Variants in HAAO observed in about 807,000 individuals in gnomAD.
HAAO encodes the protein 3-hydroxyanthranilate oxygenase.
Under a neutral mutation model 46.2 loss-of-function variants are expected in HAAO, and 49 were observed. The observed-to-expected ratio is 1.06, with a 90% CI of 0.84 to 1.34. HAAO has a LOEUF of 1.34. HAAO is among the 40% of genes most tolerant of loss of function. The pLI, the probability that HAAO is intolerant of heterozygous loss-of-function variation, is 0.00. For missense variants in HAAO, 408 were observed against 364.5 expected, an observed-to-expected ratio of 1.12 and a Z score of -0.97; for synonymous variants, 157 against 145.2, an observed-to-expected ratio of 1.08 and a Z score of -0.58.
chr2:42,784,580 G>A (rs903813537), intron 2 of HAAO, among the ~76,000 whole-genome samples: 4 of 151,432 alleles, frequency 2.6e-5, no homozygotes, highest in South Asian at 2.1e-4. Context: ...TCCATCCTAA[G>A]TCCCTAATTT....
At position 42,769,796 on chromosome 2, in the gene HAAO, G is replaced by C. The variant is rs774509819; in HGVS notation, c.547C>G (p.Leu183Val). 1 of 1,614,008 alleles carries C rather than the reference G, an allele frequency of 6.2e-7. No individual in the cohort carries two copies. Among genetic ancestry groups the C allele is most frequent in the Non-Finnish European group, 8.5e-7 (1 of 1,179,972 alleles). The change falls in exon 7 of 10, where the codon CTG becomes GTG. Residue 183 changes from leucine (L) to valine (V), a missense_variant. Physicochemically the swap from Leu to Val is conservative, Grantham distance 32. Transcript: ENST00000294973. ...TGGTGGCTGTCCAGCCAGGCATCCA[G>C]GGACATGGGCTCCATGATGGATCGT... ...STRSIMEPMS[L>V]DAWLDSHHRE...
intron 4 of HAAO, among the ~76,000 whole-genome samples, chr2:42,771,443 G>GAAA (rs1671107921): frequency 9.6e-6 from 1 of 104,448 alleles, no homozygotes; most frequent in Non-Finnish European, 1.9e-5. Flanking sequence ...AAATAAATAA[G>GAAA]TAAAAAAAAA....
chr2:42,783,928 G>T, intron 2 of HAAO, 61 bp from the exon 3 acceptor site: 2 of 1,562,322 alleles, frequency 1.3e-6, no homozygotes, highest in Middle Eastern at 1.7e-4. Context: ...CTTGGCCACT[G>T]CCCAGGCCCT....
chr2:42,777,828 CT>C (rs1671702855), intron 4 of HAAO, among the ~76,000 whole-genome samples: 1 of 151,702 alleles, frequency 6.6e-6, no homozygotes. Context: ...AAGGTGTGTC[CT>C]TTTAAAAAAA....
At chr2:42,776,480 C>T (rs565436416) in intron 4 of HAAO, among the ~76,000 whole-genome samples, 8 of 151,956 alleles carry the variant, frequency 5.3e-5, no homozygotes, top group Non-Finnish European at 7.4e-5. Flanking sequence ...TCAGATGATC[C>T]GCCTGCCTCT....
chr2:42,767,922 C>T lies in HAAO; in HGVS notation c.637G>A (p.Ala213Thr), dbSNP rs952504991. 6 of 1,613,664 alleles carry T rather than the reference C, an allele frequency of 3.7e-6. No individual in the cohort carries two copies. Among genetic ancestry groups the T allele is most frequent in the South Asian group, 1.1e-5 (1 of 91,084 alleles). ...CCTTCGCTGCTGCCTTGCCCATAGGCGATCACCTGGTGGGAGGTGAAACAG... is the reference window on the plus strand; with the variant it reads ...CCTTCGCTGCTGCCTTGCCCATAGGTGATCACCTGGTGGGAGGTGAAACAG... ...FGDTYETQVI[A>T]YGQGSSEGLR... Residue 213 changes from alanine to threonine, a missense_variant, in exon 8 of 10, where the codon GCC (alanine) becomes ACC (threonine). Transcript: ENST00000294973.
intron 8 of HAAO, 74 bp downstream of exon 8, chr2:42,767,786 G>C: frequency 6.4e-7 from 1 of 1,562,386 alleles, no homozygotes; most frequent in Non-Finnish European, 8.8e-7. Context: ...CCCCGTGTGG[G>C]AGCCCAGGGC....
chr2:42,790,182 C>G (rs2104672982), intron 1 of HAAO, among the ~76,000 whole-genome samples: 1 of 152,250 alleles, frequency 6.6e-6, no homozygotes, highest in Admixed American at 6.5e-5. Flanking sequence ...GACGGAAGAG[C>G]CAGTCTCTTT....
At chr2:42,783,694 A>G (rs952797035) in intron 3 of HAAO, 90 bp downstream of exon 3, 3 of 1,126,370 alleles carry the variant, frequency 2.7e-6, no homozygotes, top group Non-Finnish European at 3.9e-6. Context: ...AGGGAGGACA[A>G]GACCTCAGCC....
intron 4 of HAAO, chr2:42,782,781 C>A: frequency 2.8e-6 from 1 of 352,564 alleles, no homozygotes; most frequent in Non-Finnish European, 5.8e-6. Flanking sequence ...ACCTGGAAGC[C>A]CCCTTCCCAC....
chr2:42,768,064 G>A, intron 7 of HAAO, 136 bp from the exon 8 acceptor site: 3 of 716,612 alleles, frequency 4.2e-6, no homozygotes, highest in Admixed American at 4.7e-5. Context: ...CATGTGCTGA[G>A]CAGAGACCAG....
At chr2:42,780,200 CTTTT>C (rs1181946436) in intron 4 of HAAO, among the ~76,000 whole-genome samples, 2 of 139,918 alleles carry the variant, frequency 1.4e-5, no homozygotes, top group African/African-American at 5.4e-5. Context: ...CACAGGTGTT[CTTTT>C]TTTTTAATTT....
intron 4 of HAAO, among the ~76,000 whole-genome samples, chr2:42,781,733 G>T (rs989035610): frequency 6.6e-6 from 1 of 152,148 alleles, no homozygotes; most frequent in African/African-American, 2.4e-5. Context: ...AATTAGCCGG[G>T]TGTGGTGGCG....
intron 4 of HAAO, among the ~76,000 whole-genome samples, chr2:42,775,152 CAGG>C (rs1233869873): frequency 6.8e-6 from 1 of 147,934 alleles, no homozygotes; most frequent in African/African-American, 2.5e-5. Flanking sequence ...GAGGCTGAGG[CAGG>C]AGAATTGCTT....
At chr2:42,769,882 T>C (rs774423992) in intron 6 of HAAO, 24 bp from the exon 7 acceptor site, 1 of 1,590,110 alleles carries the variant, frequency 6.3e-7, no homozygotes, top group African/African-American at 1.3e-5. Context: ...ATGACTATAG[T>C]CGGTGTCCTC....
chr2:42,776,715 T>G (rs1671604362), intron 4 of HAAO, among the ~76,000 whole-genome samples: 1 of 148,128 alleles, frequency 6.8e-6, no homozygotes, highest in Admixed American at 6.8e-5. Flanking sequence ...TCACTGCAAC[T>G]TCCGCCTCTT....
At chr2:42,783,511 C>T in intron 3 of HAAO, 91 bp from the exon 4 acceptor site, 3 of 840,878 alleles carry the variant, frequency 3.6e-6, no homozygotes, top group African/African-American at 1.7e-5. Flanking sequence ...CCAGCTGACC[C>T]CCGGGCAGCA....
chr2:42,788,154 GA>G, intron 2 of HAAO, among the ~76,000 whole-genome samples: 1 of 152,212 alleles, frequency 6.6e-6, no homozygotes, highest in African/African-American at 2.4e-5. Flanking sequence ...GTCTGCGGGG[GA>G]GGATCTCATT....
intron 4 of HAAO, among the ~76,000 whole-genome samples, chr2:42,772,591 A>G (rs931251464): frequency 1.3e-5 from 2 of 151,992 alleles, no homozygotes; most frequent in Non-Finnish European, 2.9e-5. Flanking sequence ...TTCATTGGTG[A>G]CAGGACAATT....
Sources: allele counts gnomAD v4.1 joint callset (sites outside exome capture counted in the v4.1 genomes callset), GRCh38; gene constraint gnomAD v4.1.1; transcripts MANE v1.5; gene names NCBI Gene and HGNC (gene_info 2026-07-23, HGNC 2026-07-21).